DENND5A: variants seen among roughly 807,000 people sequenced by gnomAD.
DENND5A encodes the protein DENN domain containing 5A.
Under a neutral mutation model 140.3 loss-of-function variants are expected in DENND5A, and 64 were observed. The observed-to-expected ratio is 0.46, with a 90% CI of 0.37 to 0.56. The LOEUF is 0.56. Among genes scored for constraint, DENND5A ranks in the 20% least tolerant of loss-of-function variants. The pLI is 0.00. For missense variants in DENND5A, 1,292 were observed against 1,593.8 expected, an observed-to-expected ratio of 0.81 and a Z score of 3.22; for synonymous variants, 605 against 607.7, an observed-to-expected ratio of 1.00 and a Z score of 0.07.
At chr11:9,140,003 C>A in intron 22 of DENND5A, 149 bp from the exon 23 acceptor site, 1 of 996,394 alleles carries the variant, frequency 1.0e-6, no homozygotes, top group Admixed American at 2.4e-5. Context: ...CAAACAGGGA[C>A]TGGCAAAGAG....
intron 8 of DENND5A, among the ~76,000 whole-genome samples, chr11:9,173,441 T>C (rs1346296141): frequency 2.0e-5 from 3 of 152,240 alleles, no homozygotes; most frequent in Non-Finnish European, 4.4e-5. Context: ...GTGTTAGGTT[T>C]ATGACATATG....
chr11:9,230,408 T>G (rs1317551205), intron 1 of DENND5A, among the ~76,000 whole-genome samples: 1 of 151,770 alleles, frequency 6.6e-6, no homozygotes, highest in Non-Finnish European at 1.5e-5. Flanking sequence ...GCCAGGCTAA[T>G]TTTTAAAAAT....
chr11:9,185,111 A>C (rs570624847), intron 5 of DENND5A, among the ~76,000 whole-genome samples: 1 of 152,282 alleles, frequency 6.6e-6, no homozygotes, highest in East Asian at 1.9e-4. Context: ...GAATCATATG[A>C]ACCCAGCAGG....
chr11:9,226,676 C>A (rs2136243353), intron 1 of DENND5A, among the ~76,000 whole-genome samples: 1 of 152,184 alleles, frequency 6.6e-6, no homozygotes, highest in East Asian at 1.9e-4. Context: ...GCTCTTCTTA[C>A]CACAGTGGCA....
chr11:9,220,609 C>T (rs894006064), intron 1 of DENND5A, among the ~76,000 whole-genome samples: 1 of 151,068 alleles, frequency 6.6e-6, no homozygotes, highest in African/African-American at 2.4e-5. Flanking sequence ...ATGAAAATAC[C>T]GGCCGGGCAC....
chr11:9,142,192 T>A (rs1214438181), intron 21 of DENND5A, 84 bp from the exon 22 acceptor site: 1 of 1,142,486 alleles, frequency 8.8e-7, no homozygotes, highest in Non-Finnish European at 1.2e-6. Context: ...CATGGGCCTC[T>A]CCAAGTCCAC....
At chr11:9,237,358 G>T (rs144115361) in intron 1 of DENND5A, among the ~76,000 whole-genome samples, 257 of 152,140 alleles carry the variant, frequency 1.7e-3, no homozygotes, top group African/African-American at 5.8e-3. Context: ...GGAGGCAGAG[G>T]TTGCAGTGAG....
intron 1 of DENND5A, among the ~76,000 whole-genome samples, chr11:9,243,087 C>CAAA (rs539119487): frequency 0.066 from 4,388 of 66,472 alleles, 639 homozygotes; most frequent in Middle Eastern, 0.088. Context: ...GACTCTGTCT[C>CAAA]AAAAAAAAAA....
intron 12 of DENND5A, among the ~76,000 whole-genome samples, chr11:9,152,731 C>T (rs11042198): frequency 0.048 from 7,373 of 152,116 alleles, 588 homozygotes; most frequent in African/African-American, 0.17. Context: ...CAGCTGGGCA[C>T]GGTGGCTCAC....
chr11:9,216,982 G>A (rs1349377392), intron 1 of DENND5A, among the ~76,000 whole-genome samples: 1 of 152,170 alleles, frequency 6.6e-6, no homozygotes, highest in Non-Finnish European at 1.5e-5. Flanking sequence ...GCTGCAGTGA[G>A]CTATGATCAC....
At chr11:9,239,744 G>A (rs1026965113) in intron 1 of DENND5A, among the ~76,000 whole-genome samples, 12 of 152,320 alleles carry the variant, frequency 7.9e-5, no homozygotes, top group African/African-American at 1.9e-4. Context: ...TTACAGGCAT[G>A]TGCTACCATG....
At chr11:9,155,567 T>C (rs1159095992) in intron 12 of DENND5A, among the ~76,000 whole-genome samples, 1 of 152,240 alleles carries the variant, frequency 6.6e-6, no homozygotes, top group East Asian at 1.9e-4. Context: ...CTCTTTTTCC[T>C]CTTTTGCAAA....
At chr11:9,195,726 C>T (rs1849301406) in intron 4 of DENND5A, among the ~76,000 whole-genome samples, 1 of 152,192 alleles carries the variant, frequency 6.6e-6, no homozygotes. Context: ...AGTTGCCTAT[C>T]ACCTTGCTCC....
At chr11:9,220,550 AAATAAT>A (rs548747906) in intron 1 of DENND5A, among the ~76,000 whole-genome samples, 13 of 150,960 alleles carry the variant, frequency 8.6e-5, no homozygotes, top group South Asian at 4.2e-4. Context: ...TCTGTCTCAA[AAATAAT>A]AATAATAATA....
At chr11:9,239,800 A>G (rs190318550) in intron 1 of DENND5A, among the ~76,000 whole-genome samples, 1 of 152,232 alleles carries the variant, frequency 6.6e-6, no homozygotes, top group East Asian at 1.9e-4. Context: ...GCCATTCCTT[A>G]TATGGATGAC....
intron 5 of DENND5A, 111 bp from the exon 6 acceptor site, chr11:9,181,195 T>C (rs1051811168): frequency 7.1e-6 from 6 of 848,786 alleles, no homozygotes; most frequent in Admixed American, 5.7e-5. Context: ...GAAATGGCTA[T>C]ATTTGAGATA....
intron 1 of DENND5A, among the ~76,000 whole-genome samples, chr11:9,231,705 A>G (rs1166670900): frequency 8.0e-6 from 1 of 125,724 alleles, no homozygotes. Context: ...ACAAGAGCGA[A>G]ACTCCGTCTC....
chr11:9,264,867 C>A, intron 1 of DENND5A, 94 bp downstream of exon 1: 1 of 1,182,532 alleles, frequency 8.5e-7, no homozygotes, highest in South Asian at 1.3e-5. Context: ...ACTCGCCCGG[C>A]TCCCGGGACA....
At chr11:9,184,283 G>A (rs1171534347) in intron 5 of DENND5A, among the ~76,000 whole-genome samples, 1 of 152,044 alleles carries the variant, frequency 6.6e-6, no homozygotes, top group African/African-American at 2.4e-5. Flanking sequence ...AACCTCGGAG[G>A]CGGAGCTTGC....
Sources: allele counts gnomAD v4.1 joint callset (sites outside exome capture counted in the v4.1 genomes callset), GRCh38; gene constraint gnomAD v4.1.1; transcripts MANE v1.5; gene names NCBI Gene and HGNC (gene_info 2026-07-23, HGNC 2026-07-21).